The following ARIH2 variants were observed in gnomAD, a reference collection of about 807,000 sequenced individuals.
The protein encoded by ARIH2 is ariadne RBR E3 ubiquitin protein ligase 2, also known as E3 ubiquitin-protein ligase ARIH2.
Under a neutral mutation model 79.8 loss-of-function variants are expected in ARIH2, and 12 were observed. The observed-to-expected ratio is 0.15, with a 90% confidence interval of 0.10 to 0.24. The LOEUF is 0.24. Among genes scored for constraint, ARIH2 ranks in the 10% least tolerant of loss-of-function variants. ARIH2 has a pLI of 1.00. For synonymous variants in ARIH2, 224 were observed against 213.9 expected (o/e 1.05, Z -0.41); for missense variants, 301 against 618.3 (o/e 0.49, Z 5.44).
At chr3:48,974,648 T>C in intron 9 of ARIH2, 169 bp from the exon 10 acceptor site, 1 of 673,750 alleles carries the variant, frequency 1.5e-6, no homozygotes, top group Non-Finnish European at 2.7e-6. Flanking sequence ...CCTCATTTCC[T>C]TGAATTGCTG....
chr3:48,930,624 T>C lies in ARIH2; in HGVS notation c.255+2811T>C, dbSNP rs146069404. The stretch of plus-strand genomic sequence containing the variant: ...TGAGCTACCACTCCTGGCCTGTTTT[T>C]ATTTTTGTAATTAATATTTTTTGAG... On this transcript the variant is annotated intron_variant, in intron 3 of 15. Transcript: ENST00000356401. Among the ~76,000 whole-genome samples the C allele has an allele frequency of 1.2e-4, 18 of 152,304 alleles. No individual in the cohort carries two copies. In the East Asian group the frequency reaches 2.5e-3, roughly 21 times the overall value.
At position 48,965,052 on chromosome 3, in the gene ARIH2, T is replaced by G; in HGVS notation, c.387+70T>G. 8 of 1,452,496 alleles carry G rather than the reference T, an allele frequency of 5.5e-6. No homozygotes were observed. The South Asian group carries it at 6.9e-5, about 13-fold the overall frequency. 90.0% of individuals were successfully genotyped at this position (1,452,496 alleles called of 1,614,324 possible). ...GTTCTTGCTTTGGCTTGCAGTGTCC[T>G]TAAGAGCTATCTTTACTTGGCTGGG... On this transcript the variant is annotated intron_variant, in intron 5 of 15. Coordinates refer to ENST00000356401, the MANE Select transcript of ARIH2 (RefSeq NM_006321.4).
At chr3:48,973,599 AGC>A in intron 8 of ARIH2, 98 bp from the exon 9 acceptor site, 1 of 799,008 alleles carries the variant, frequency 1.3e-6, no homozygotes, top group Non-Finnish European at 2.1e-6. Context: ...AAAAGAAAAA[AGC>A]TCTAATTCAT....
At chr3:48,940,354 TAAAA>T (rs1199726838) in intron 3 of ARIH2, among the ~76,000 whole-genome samples, 5 of 151,682 alleles carry the variant, frequency 3.3e-5, no homozygotes, top group Non-Finnish European at 7.4e-5. Context: ...AGATTGATTT[TAAAA>T]AGATAGATAG....
At chr3:48,919,109 A>G (rs2106721847) in intron 1 of ARIH2, 111 bp downstream of exon 1, 1 of 1,281,688 alleles carries the variant, frequency 7.8e-7, no homozygotes, top group South Asian at 3.1e-5. Flanking sequence ...GTCGCCCGGG[A>G]GGCCCGGGCG....
chr3:48,973,940 G>C (rs1294034549), intron 9 of ARIH2, 124 bp downstream of exon 9: 1 of 668,874 alleles, frequency 1.5e-6, no homozygotes, highest in East Asian at 2.6e-5. Flanking sequence ...GAGGACTGGG[G>C]GTTTGGGGAC....
At chr3:48,981,331 CAAA>C (rs36083806) in intron 13 of ARIH2, among the ~76,000 whole-genome samples, 1 of 115,630 alleles carries the variant, frequency 8.6e-6, no homozygotes, top group Non-Finnish European at 1.9e-5. Flanking sequence ...AACCTTGTTT[CAAA>C]AAAAAAAAAA....
At chr3:48,983,044 C>A in intron 15 of ARIH2, 65 bp downstream of exon 15, 1 of 1,549,060 alleles carries the variant, frequency 6.5e-7, no homozygotes, top group Non-Finnish European at 8.9e-7. Context: ...TAATAGGTGA[C>A]AGCGTTGTTG....
At chr3:48,978,477 A>T (rs2092629560) in intron 11 of ARIH2, among the ~76,000 whole-genome samples, 2 of 67,154 alleles carry the variant, frequency 3.0e-5, no homozygotes, top group South Asian at 1.2e-3. Context: ...ATATATATAT[A>T]TATATATTTT....
At chr3:48,982,764 T>A in intron 14 of ARIH2, 132 bp from the exon 15 acceptor site, 2 of 688,474 alleles carry the variant, frequency 2.9e-6, no homozygotes, top group Admixed American at 2.3e-5. Context: ...ATAACACTAC[T>A]TTCTGAGGAC....
At chr3:48,979,857 A>G (rs1474885634) in intron 12 of ARIH2, 2 of 432,510 alleles carry the variant, frequency 4.6e-6, no homozygotes, top group Non-Finnish European at 8.1e-6. Context: ...CCTTGGTTGA[A>G]TGATGGATTG....
At chr3:48,975,335 G>A (rs2092442027) in intron 11 of ARIH2, among the ~76,000 whole-genome samples, 1 of 152,186 alleles carries the variant, frequency 6.6e-6, no homozygotes, top group South Asian at 2.1e-4. Context: ...ACCTTTACCA[G>A]AAGTAGTAAA....
chr3:48,971,595 T>C (rs1032012484), intron 8 of ARIH2, among the ~76,000 whole-genome samples: 1 of 152,196 alleles, frequency 6.6e-6, no homozygotes, highest in African/African-American at 2.4e-5. Context: ...ACCTAGTAAA[T>C]CGTAGAGCCA....
intron 3 of ARIH2, 23 bp from the exon 4 acceptor site, chr3:48,961,588 AT>A (rs751509219): frequency 1.3e-5 from 19 of 1,462,506 alleles, no homozygotes; most frequent in Middle Eastern, 1.7e-4. Context: ...TTATAATTCG[AT>A]TTTTTTTCTT....
chr3:48,931,997 A>G (rs2086433899), intron 3 of ARIH2, among the ~76,000 whole-genome samples: 1 of 152,216 alleles, frequency 6.6e-6, no homozygotes, highest in Admixed American at 6.5e-5. Context: ...TGACAGAGCA[A>G]GACTCTGTCT....
At position 48,918,960 on chromosome 3, in the gene ARIH2, G is replaced by A. The variant is rs1342632247; in HGVS notation, c.-200G>A. ...CTCTGGCCCGGCCTGACCCGGTCTG[G>A]CTTGTTCGGGCTCAGCGGCCGCGAG... On this transcript the variant is annotated 5_prime_UTR_variant, in exon 1 of 16. Transcript: ENST00000356401. 3 of 1,504,348 alleles carry A rather than the reference G, an allele frequency of 2.0e-6. No individual in the cohort carries two copies. In the Admixed American group the frequency reaches 7.5e-5, roughly 37 times the overall value. The allele number at this position is 1,504,348 out of a possible 1,614,324, so 93.2% of individuals were successfully genotyped here. A position where few individuals can be genotyped will look rare whatever the true frequency, so the allele number is the denominator to read the frequency against.
intron 1 of ARIH2, among the ~76,000 whole-genome samples, chr3:48,920,016 G>A (rs1041722886): frequency 6.9e-6 from 1 of 145,360 alleles, no homozygotes; most frequent in East Asian, 2.0e-4. Context: ...CAAAGTTGCT[G>A]TCACCAGGCT....
intron 11 of ARIH2, 118 bp downstream of exon 11, chr3:48,975,097 C>CT: frequency 6.5e-7 from 1 of 1,549,200 alleles, no homozygotes; most frequent in Non-Finnish European, 8.8e-7. Flanking sequence ...ACCTCAGTCA[C>CT]TTAACAGTCA....
chr3:48,966,164 G>A (rs772820132), intron 5 of ARIH2, among the ~76,000 whole-genome samples: 1 of 152,042 alleles, frequency 6.6e-6, no homozygotes, highest in Non-Finnish European at 1.5e-5. Flanking sequence ...AACATATGTC[G>A]AATATTTTTT....
Sources: gnomAD v4.1 joint callset for allele counts (sites outside exome capture counted in the v4.1 genomes callset) on GRCh38, gnomAD v4.1.1 for gene constraint, MANE v1.5 for transcripts, NCBI Gene and HGNC (gene_info 2026-07-23, HGNC 2026-07-21) for gene names.